SMCHD1: variants seen among roughly 807,000 people sequenced by gnomAD.
SMCHD1 encodes structural maintenance of chromosomes flexible hinge domain containing 1, also known as structural maintenance of chromosomes flexible hinge domain-containing protein 1.
In SMCHD1, 78 loss-of-function variants were observed where a neutral mutation model predicts 254.7. That is an observed-to-expected ratio of 0.31 (90% CI 0.26 to 0.37). SMCHD1 has a LOEUF of 0.37. Among genes scored for constraint, SMCHD1 ranks in the 10% least tolerant of loss-of-function variants. The pLI, the probability that SMCHD1 is intolerant of heterozygous loss-of-function variation, is 1.00. For missense variants in SMCHD1, 1,840 were observed against 2,408.1 expected (o/e 0.76, Z 4.94); for synonymous variants, 766 against 794.9 (o/e 0.96, Z 0.61).
intron 45 of SMCHD1, among the ~76,000 whole-genome samples, chr18:2,795,679 A>G (rs1430248704): frequency 6.6e-6 from 1 of 152,238 alleles, no homozygotes; most frequent in Non-Finnish European, 1.5e-5. Context: ...GAGTGATCCA[A>G]TAAAAAACAG....
chr18:2,681,412 CAAAAA>C (rs11448086), intron 5 of SMCHD1, among the ~76,000 whole-genome samples: 1 of 104,012 alleles, frequency 9.6e-6, no homozygotes, highest in Non-Finnish European at 1.9e-5. Context: ...GACCCCATCT[CAAAAA>C]AAAAAAAAAA....
intron 22 of SMCHD1, among the ~76,000 whole-genome samples, chr18:2,727,723 AT>A (rs1419090922): frequency 6.6e-6 from 1 of 152,072 alleles, no homozygotes; most frequent in East Asian, 1.9e-4. Flanking sequence ...TAACGTCTTC[AT>A]TAAGATTATT....
Position 2,668,466 on chromosome 18 carries a change from C to T in SMCHD1, c.424+1435C>T, listed in dbSNP as rs1187882860. On this transcript the variant is annotated intron_variant, in intron 3 of 47. Transcript: ENST00000320876. ...AAGAGATTTTAGGTGACTTGCTACA[C>T]TACTAGTGAGTAGTGGAGCCAGCAT... Among the ~76,000 whole-genome samples, 3 of 152,192 alleles carry T rather than the reference C, an allele frequency of 2.0e-5. No homozygotes were observed. The East Asian group carries it at 5.8e-4, about 29-fold the overall frequency.
intron 22 of SMCHD1, 102 bp downstream of exon 22, chr18:2,726,626 A>C (rs978368524): frequency 4.4e-6 from 2 of 453,594 alleles, no homozygotes; most frequent in African/African-American, 2.1e-5. Flanking sequence ...AGTGGTGTAA[A>C]TCTTGAAAAT....
In SMCHD1 at chr18:2,716,694, CA is replaced by C. The variant is rs1352691696; in HGVS notation, c.2261-1463del. On this transcript the variant is annotated intron_variant, in intron 17 of 47. Coordinates refer to ENST00000320876, the MANE Select transcript of SMCHD1 (RefSeq NM_015295.3). ...AGCAACCACTGCCATGCCAAAGATC[CA>C]GCATGGGGAAAGTGGGGTCGCTAGG... Among the ~76,000 whole-genome samples, 4 of 152,200 alleles carry C rather than the reference CA, an allele frequency of 2.6e-5. 1 individual carries two copies. The highest frequency in any genetic ancestry group is 2.6e-4 in the Admixed American group (4 of 15,288).
At chr18:2,802,326 C>T (rs2076378956) in intron 47 of SMCHD1, among the ~76,000 whole-genome samples, 1 of 151,984 alleles carries the variant, frequency 6.6e-6, no homozygotes. Flanking sequence ...TGTGTGTTAA[C>T]TACTTTTATT....
Position 2,683,508 on chromosome 18 carries a change from T to G in SMCHD1, c.639-4886T>G, listed in dbSNP as rs139544764. ...GTACTCTTAAGTGATTTCAGCTGTT[T>G]TACATTTGTTGCGTTTTATGATCCA... On this transcript the variant is annotated intron_variant, in intron 5 of 47. Transcript: ENST00000320876. Among the ~76,000 whole-genome samples, 6 of 152,340 alleles carry G rather than the reference T, an allele frequency of 3.9e-5. No individual in the cohort carries two copies. In the East Asian group the frequency reaches 1.2e-3, roughly 29 times the overall value.
intron 45 of SMCHD1, among the ~76,000 whole-genome samples, chr18:2,787,069 T>C (rs1294007376): frequency 6.6e-6 from 1 of 152,228 alleles, no homozygotes; most frequent in Non-Finnish European, 1.5e-5. Flanking sequence ...CATACACTTC[T>C]TCTGGCTGAA....
intron 30 of SMCHD1, among the ~76,000 whole-genome samples, chr18:2,749,590 T>C (rs1167675365): frequency 6.6e-6 from 1 of 152,168 alleles, no homozygotes; most frequent in Non-Finnish European, 1.5e-5. Flanking sequence ...ATTTGAGAAG[T>C]GTATCTGAGT....
chr18:2,723,802 T>C (rs576607775), intron 20 of SMCHD1, among the ~76,000 whole-genome samples: 1 of 152,266 alleles, frequency 6.6e-6, no homozygotes, highest in East Asian at 1.9e-4. Flanking sequence ...ATCTAAACTT[T>C]TCATCAGTCT....
intron 12 of SMCHD1, chr18:2,701,167 T>TG (rs1302088684): frequency 1.1e-5 from 3 of 267,144 alleles, no homozygotes; most frequent in Non-Finnish European, 2.1e-5. Context: ...TTTTTTTGTT[T>TG]TTTTTTTTTT....
At chr18:2,796,180 A>G (rs2076260704) in intron 46 of SMCHD1, 73 bp downstream of exon 46, 2 of 1,287,896 alleles carry the variant, frequency 1.6e-6, no homozygotes, top group Non-Finnish European at 2.1e-6. Context: ...AGAGAATCCA[A>G]CCGTAAGAAA....
chr18:2,709,203 C>G (rs1391312681), intron 17 of SMCHD1, among the ~76,000 whole-genome samples: 2 of 125,384 alleles, frequency 1.6e-5, no homozygotes, highest in African/African-American at 2.8e-5. Flanking sequence ...GAATAATATT[C>G]CCTTGTGTGT....
intron 27 of SMCHD1, among the ~76,000 whole-genome samples, chr18:2,740,098 G>A (rs549282356): frequency 5.0e-4 from 76 of 151,448 alleles, no homozygotes; most frequent in African/African-American, 1.4e-3. Context: ...CCGACTCCCC[G>A]ACAGGCCCTG....
intron 19 of SMCHD1, among the ~76,000 whole-genome samples, chr18:2,720,573 C>T (rs1181256745): frequency 6.6e-6 from 1 of 152,126 alleles, no homozygotes; most frequent in African/African-American, 2.4e-5. Flanking sequence ...GGTCTTGTCT[C>T]TTTGGCTATT....
intron 17 of SMCHD1, among the ~76,000 whole-genome samples, chr18:2,710,400 A>G (rs752171244): frequency 6.6e-6 from 1 of 152,196 alleles, no homozygotes; most frequent in East Asian, 1.9e-4. Flanking sequence ...TGAATGTAGG[A>G]TGCGTTTTTC....
Position 2,707,871 on chromosome 18 carries a change from C to G in SMCHD1, c.2211C>G (p.Ser737Arg). 1 of 1,608,232 alleles carries G rather than the reference C, an allele frequency of 6.2e-7. No individual in the cohort carries two copies. Residue 737 changes from serine (S) to arginine (R), a missense_variant, in exon 17 of 48, where the codon AGC (serine) becomes AGG (arginine). Ser to Arg is a moderately radical substitution (Grantham distance 110). Around this residue, in one of 9 missense-constraint regions of SMCHD1, gnomAD observed 498 missense variants for 743.5 expected, o/e 0.67. Transcript: ENST00000320876. ...CAATGCAAAAGCTTCCAGGAACAAG[C>G]CATGGAGGGTCAAAGAAACTCCTGG... ...GEAMQKLPGT[S>R]HGGSKKLLVE...
At chr18:2,751,776 C>T (rs890592134) in intron 33 of SMCHD1, among the ~76,000 whole-genome samples, 2 of 152,064 alleles carry the variant, frequency 1.3e-5, no homozygotes, top group Non-Finnish European at 2.9e-5. Flanking sequence ...TAGAACAGTG[C>T]TGTCCAGTGG....
chr18:2,775,594 A>C (rs537674013), intron 41 of SMCHD1, 140 bp from the exon 42 acceptor site: 23 of 587,122 alleles, frequency 3.9e-5, no homozygotes, highest in Admixed American at 1.5e-4. Context: ...ATTCAAGTTA[A>C]GTTTTTGACA....
Sources: allele counts gnomAD v4.1 joint callset (sites outside exome capture counted in the v4.1 genomes callset), GRCh38; gene constraint gnomAD v4.1.1; regional missense constraint gnomAD v4.1.1; transcripts MANE v1.5; gene names NCBI Gene and HGNC (gene_info 2026-07-23, HGNC 2026-07-21).